The following DYSF variants were observed in gnomAD, a reference collection of about 807,000 sequenced individuals.
DYSF encodes dystrophy-associated fer-1-like 1.
Under a neutral mutation model 274.9 loss-of-function variants are expected in DYSF, and 212 were observed. The observed-to-expected ratio is 0.77, with a 90% CI of 0.69 to 0.86. The LOEUF (loss-of-function observed/expected upper bound fraction) is 0.86. Among genes scored for constraint, DYSF ranks in the 40% least tolerant of loss-of-function variants. DYSF has a pLI of 0.00. For synonymous variants in DYSF, 1,091 were observed against 1,078.7 expected (o/e 1.01, Z -0.22); for missense variants, 2,666 against 2,783.2 (o/e 0.96, Z 0.95).
In DYSF at chr2:71,513,845, A is replaced by T. The variant is rs1436341594; in HGVS notation, c.683A>T (p.His228Leu). The change falls in exon 7 of 56, where the codon CAC (histidine) becomes CTC (leucine). Residue 228 changes from histidine to leucine, a missense_variant. His to Leu is a moderately conservative substitution (Grantham distance 99). Around this residue, in one of 3 missense-constraint regions of DYSF, gnomAD observed 794 missense variants for 777.1 expected, o/e 1.02. Transcript: ENST00000410020. ...AAACTACCTTCACGTCCTCCGCCCC[A>T]CTACCCCGGGATCAAAAGAAAGCGA... is the stretch of plus-strand genomic sequence containing the variant. The part of the protein sequence containing the change: ...PRKLPSRPPP[H>L]YPGIKRKRSA... 1 of 1,614,210 alleles carries T rather than the reference A, an allele frequency of 6.2e-7. No homozygotes were observed. Among genetic ancestry groups the T allele is most frequent in the Admixed American group, 1.7e-5 (1 of 60,028 alleles).
At chr2:71,580,282 G>A (rs573507917) in intron 30 of DYSF, among the ~76,000 whole-genome samples, 85 of 152,374 alleles carry the variant, frequency 5.6e-4, no homozygotes, top group Middle Eastern at 3.4e-3. Context: ...CAGAGGGTTG[G>A]TGGAGGCCAG....
At chr2:71,611,733 G>A in intron 38 of DYSF, 107 bp downstream of exon 38, 1 of 1,378,328 alleles carries the variant, frequency 7.3e-7, no homozygotes, top group Non-Finnish European at 1.0e-6. Flanking sequence ...GGGATCCAGG[G>A]TAGGACCCCT....
At chr2:71,585,220 T>C (rs2093026944) in intron 30 of DYSF, among the ~76,000 whole-genome samples, 1 of 152,210 alleles carries the variant, frequency 6.6e-6, no homozygotes, top group Non-Finnish European at 1.5e-5. Flanking sequence ...TAGCAAAGAA[T>C]ATTCCAGGCC....
At chr2:71,672,336 C>T (rs1261814919) in intron 51 of DYSF, among the ~76,000 whole-genome samples, 2 of 152,302 alleles carry the variant, frequency 1.3e-5, no homozygotes, top group African/African-American at 2.4e-5. Flanking sequence ...TGGGTTCGTG[C>T]AGGGGCACTG....
At position 71,594,447 on chromosome 2, in the gene DYSF, C is replaced by T. The variant is rs148163898; in HGVS notation, c.3575-4117C>T. Among the ~76,000 whole-genome samples the T allele has an allele frequency of 8.1e-3, 1,229 of 152,270 alleles. 26 individuals carry two copies. The highest frequency in any genetic ancestry group is 0.026 in the Admixed American group (394 of 15,290). ...CAGTGGCATATGAGAGGCTCTGAGG[C>T]GGCTGCAGGGAGGGAGCCTGTTTAA... On this transcript the variant is annotated intron_variant, in intron 32 of 55. Coordinates refer to ENST00000410020, the MANE Select transcript of DYSF (RefSeq NM_001130987.2).
At chr2:71,645,156 C>T (rs1420307970) in intron 42 of DYSF, among the ~76,000 whole-genome samples, 1 of 152,202 alleles carries the variant, frequency 6.6e-6, no homozygotes, top group Non-Finnish European at 1.5e-5. Flanking sequence ...AGACCCCTGC[C>T]TTATCACAAG....
chr2:71,665,040 AC>A, intron 46 of DYSF, 121 bp from the exon 47 acceptor site: 3 of 1,482,600 alleles, frequency 2.0e-6, no homozygotes, highest in Non-Finnish European at 2.8e-6. Context: ...CAGATGGGAC[AC>A]CCACTGTAAA....
At chr2:71,503,969 C>T (rs2085233733) in intron 4 of DYSF, among the ~76,000 whole-genome samples, 1 of 152,212 alleles carries the variant, frequency 6.6e-6, no homozygotes, top group Non-Finnish European at 1.5e-5. Context: ...CAGGATGTAC[C>T]AGGAACCATG....
At chr2:71,641,303 C>T (rs113119451) in intron 41 of DYSF, among the ~76,000 whole-genome samples, 7,651 of 150,958 alleles carry the variant, frequency 0.051, 637 homozygotes, top group African/African-American at 0.18. Flanking sequence ...CTCAGCCTCC[C>T]GAGTAGCTGG....
intron 40 of DYSF, among the ~76,000 whole-genome samples, chr2:71,614,472 A>T (rs1299459331): frequency 6.6e-6 from 1 of 151,798 alleles, no homozygotes; most frequent in Non-Finnish European, 1.5e-5. Flanking sequence ...TGCTGGGAAG[A>T]CCTCCTGCCC....
At chr2:71,551,234 T>G in intron 18 of DYSF, 78 bp downstream of exon 18, 1 of 1,466,788 alleles carries the variant, frequency 6.8e-7, no homozygotes, top group South Asian at 1.1e-5. Context: ...GCATGCAGGG[T>G]CTTCCAGCCC....
At chr2:71,478,250 C>G (rs182029705) in intron 1 of DYSF, among the ~76,000 whole-genome samples, 1 of 148,520 alleles carries the variant, frequency 6.7e-6, no homozygotes, top group Non-Finnish European at 1.5e-5. Context: ...CTCACTCTGT[C>G]GCCCAGGCTG....
At chr2:71,461,264 G>C (rs912825617) in intron 1 of DYSF, among the ~76,000 whole-genome samples, 1 of 152,152 alleles carries the variant, frequency 6.6e-6, no homozygotes, top group Middle Eastern at 3.4e-3. Context: ...AAGGGCTGCT[G>C]TGCAGTCATT....
intron 22 of DYSF, 151 bp downstream of exon 22, chr2:71,556,222 G>A (rs977758239): frequency 7.2e-6 from 5 of 693,334 alleles, no homozygotes; most frequent in South Asian, 4.8e-5. Context: ...AAAGGTGGTG[G>A]AGCCAGTGCA....
intron 1 of DYSF, among the ~76,000 whole-genome samples, chr2:71,455,054 G>A (rs1310455097): frequency 6.6e-6 from 1 of 152,132 alleles, no homozygotes; most frequent in East Asian, 1.9e-4. Context: ...CTACATCCCA[G>A]ACTTCCAGAA....
intron 14 of DYSF, among the ~76,000 whole-genome samples, chr2:71,532,970 A>G (rs1179386945): frequency 2.6e-5 from 4 of 152,044 alleles, no homozygotes; most frequent in Admixed American, 2.0e-4. Context: ...AGTTTCTTTT[A>G]TATTATTCTG....
Position 71,657,469 on chromosome 2 carries a change from A to T in DYSF, c.4755+1179A>T, listed in dbSNP as rs561230965. Among the ~76,000 whole-genome samples the T allele has an allele frequency of 5.3e-4, 80 of 152,276 alleles. 2 individuals carry two copies. Among genetic ancestry groups the T allele is most frequent in the Admixed American group, 3.7e-3 (57 of 15,294 alleles). ...GTGGCCCTCTTCTCACAGCTCTACT[A>T]GCAGTGCCCCAGATGTGGGGCATCA... On this transcript the variant is annotated intron_variant, in intron 43 of 55. Transcript: ENST00000410020.
chr2:71,592,541 C>T (rs927809101), intron 32 of DYSF, among the ~76,000 whole-genome samples: 5 of 152,240 alleles, frequency 3.3e-5, no homozygotes, highest in African/African-American at 7.2e-5. Context: ...GACCCTGGGG[C>T]GGCTGGCGGC....
At chr2:71,552,425 C>T (rs1289295389) in intron 19 of DYSF, among the ~76,000 whole-genome samples, 1 of 152,242 alleles carries the variant, frequency 6.6e-6, no homozygotes, top group Non-Finnish European at 1.5e-5. Context: ...CTACTATTTA[C>T]ATTCACCTAA....
Sources: allele counts gnomAD v4.1 joint callset (sites outside exome capture counted in the v4.1 genomes callset), GRCh38; gene constraint gnomAD v4.1.1; regional missense constraint gnomAD v4.1.1; transcripts MANE v1.5; gene names NCBI Gene and HGNC (gene_info 2026-07-23, HGNC 2026-07-21).